The following C8orf34 variants were observed in gnomAD, a reference collection of about 807,000 sequenced individuals.
C8orf34 encodes uncharacterized protein C8orf34.
C8orf34 carries 65 observed loss-of-function variants against 68.3 expected under a neutral mutation model. That is an observed-to-expected ratio of 0.95 (90% CI 0.78 to 1.17). C8orf34 has a LOEUF of 1.17. Ranked by LOEUF, C8orf34 falls within the 50% of genes most tolerant of loss-of-function variation. The probability of loss-of-function intolerance (pLI) is 0.00; values close to 1 mark genes in which losing one functional copy is unlikely to be tolerated. For missense variants in C8orf34, 664 were observed against 655.4 expected, an observed-to-expected ratio of 1.01 and a Z score of -0.14; for synonymous variants, 244 against 241.2, an observed-to-expected ratio of 1.01 and a Z score of -0.11.
At chr8:68,457,250 T>C (rs1020785111) in intron 3 of C8orf34, among the ~76,000 whole-genome samples, 13 of 152,142 alleles carry the variant, frequency 8.5e-5, no homozygotes, top group African/African-American at 3.1e-4. Context: ...GTATAGAAAG[T>C]ATAAACTACA....
intron 5 of C8orf34, among the ~76,000 whole-genome samples, chr8:68,502,592 A>G (rs1197720967): frequency 6.6e-6 from 1 of 152,202 alleles, no homozygotes; most frequent in African/African-American, 2.4e-5. Flanking sequence ...TTATTTTTAA[A>G]AATTAGTAAA....
chr8:68,534,048 G>GA (rs1163360317), intron 7 of C8orf34: 1 of 982,782 alleles, frequency 1.0e-6, no homozygotes, highest in Non-Finnish European at 1.2e-6. Context: ...GCCATTTTCT[G>GA]AAGTTTTTGT....
intron 7 of C8orf34, among the ~76,000 whole-genome samples, chr8:68,570,820 G>A (rs1816740869): frequency 6.6e-6 from 1 of 152,056 alleles, no homozygotes; most frequent in African/African-American, 2.4e-5. Context: ...TGCACATTAA[G>A]GTACGAGAAG....
Position 68,551,755 on chromosome 8 carries a change from A to T in C8orf34, c.1105+18606A>T, listed in dbSNP as rs117579675. 5.9e-5 allele frequency among the ~76,000 whole-genome samples: 9 copies of T among 152,122 alleles called. No individual in the cohort carries two copies. The East Asian group carries it at 1.7e-3, about 29-fold the overall frequency. Reference sequence around the variant, plus strand: ...AGTGAGTCTGTGCTTCTAGACTTTGAACTTCATATGTACTCTCCACTCCCC... The same window carrying T: ...AGTGAGTCTGTGCTTCTAGACTTTGTACTTCATATGTACTCTCCACTCCCC... On this transcript the variant is annotated intron_variant, in intron 7 of 13. Coordinates refer to ENST00000518698, the MANE Select transcript of C8orf34 (RefSeq NM_052958.4).
intron 7 of C8orf34, among the ~76,000 whole-genome samples, chr8:68,606,426 T>C (rs1428634309): frequency 6.6e-6 from 1 of 152,108 alleles, no homozygotes; most frequent in Non-Finnish European, 1.5e-5. Flanking sequence ...AAAATATTTA[T>C]GGATAAAAGT....
rs563901106 is a variant in C8orf34, at chr8:68,751,102, G to A, written c.1405-25297G>A. On this transcript the variant is annotated intron_variant, in intron 10 of 13. Coordinates refer to ENST00000518698, the MANE Select transcript of C8orf34 (RefSeq NM_052958.4). ...AGCATTATTATCAAAGAAGGCAGAAGGACCTGGAGAGGGACTCTATTATTG... is the reference window on the plus strand; with the variant it reads ...AGCATTATTATCAAAGAAGGCAGAAAGACCTGGAGAGGGACTCTATTATTG... Among the ~76,000 whole-genome samples, 160 of 152,228 alleles carry A rather than the reference G, an allele frequency of 1.1e-3. 1 individual carries two copies. The highest frequency in any genetic ancestry group is 3.7e-3 in the African/African-American group (153 of 41,548).
intron 9 of C8orf34, among the ~76,000 whole-genome samples, chr8:68,713,791 A>T (rs899551504): frequency 1.3e-5 from 2 of 152,184 alleles, no homozygotes; most frequent in East Asian, 3.9e-4. Context: ...AAATCATTTT[A>T]TGAAGCCAAT....
At position 68,383,869 on chromosome 8, in the gene C8orf34, A is replaced by G. The variant is rs1393250089; in HGVS notation, c.327+52530A>G. 9.2e-5 allele frequency among the ~76,000 whole-genome samples: 14 copies of G among 152,160 alleles called. No individual in the cohort carries two copies. The East Asian group carries it at 2.1e-3, about 23-fold the overall frequency. On this transcript the variant is annotated intron_variant, in intron 1 of 13. Transcript: ENST00000518698. ...AAATACTCCTTGAGCTAAAGAACCC[A>G]TGTTTGTATCATTAAGCAGTCTAAA...
At chr8:68,710,641 G>A (rs1821305712) in intron 9 of C8orf34, among the ~76,000 whole-genome samples, 1 of 152,102 alleles carries the variant, frequency 6.6e-6, no homozygotes, top group African/African-American at 2.4e-5. Context: ...TATAAGAAGA[G>A]GCTGAGCTCA....
intron 7 of C8orf34, among the ~76,000 whole-genome samples, chr8:68,639,918 C>T (rs191555875): frequency 3.5e-4 from 54 of 152,240 alleles, no homozygotes; most frequent in South Asian, 3.1e-3. Flanking sequence ...GAAGCAGACT[C>T]GTTAGAAACG....
chr8:68,632,177 G>C (rs943749889), intron 7 of C8orf34, among the ~76,000 whole-genome samples: 2 of 152,144 alleles, frequency 1.3e-5, no homozygotes, highest in Admixed American at 1.3e-4. Flanking sequence ...GGCTGAGGTG[G>C]TGTCAGATGG....
rs146649645 is a variant in C8orf34, at chr8:68,619,099, C to G, written c.1106-21277C>G. ...TCCCAGCACTTTGGGAGGCTGAGGC[C>G]TGGGGATCACTTGAGCTCAGGAGTT... On this transcript the variant is annotated intron_variant, in intron 7 of 13. Transcript: ENST00000518698. 1.6e-3 allele frequency among the ~76,000 whole-genome samples: 237 copies of G among 151,940 alleles called. 2 individuals carry two copies. The highest frequency in any genetic ancestry group is 5.0e-3 in the African/African-American group (209 of 41,472).
chr8:68,592,176 A>AT (rs1563549048), intron 7 of C8orf34, among the ~76,000 whole-genome samples: 1 of 151,958 alleles, frequency 6.6e-6, no homozygotes, highest in African/African-American at 2.4e-5. Flanking sequence ...CTCTATTCAC[A>AT]TTTTCTTTCT....
At chr8:68,469,065 G>A (rs1418380973) in intron 4 of C8orf34, among the ~76,000 whole-genome samples, 2 of 151,986 alleles carry the variant, frequency 1.3e-5, no homozygotes, top group African/African-American at 2.4e-5. Context: ...TCCAACACTT[G>A]TACATGGTTT....
At chr8:68,546,352 G>T (rs1379426899) in intron 7 of C8orf34, among the ~76,000 whole-genome samples, 1 of 151,968 alleles carries the variant, frequency 6.6e-6, no homozygotes, top group Non-Finnish European at 1.5e-5. Context: ...GAGGTTCAAA[G>T]TATAAAGTTA....
At chr8:68,362,789 G>A (rs1344913237) in intron 1 of C8orf34, among the ~76,000 whole-genome samples, 6 of 150,026 alleles carry the variant, frequency 4.0e-5, no homozygotes, top group Admixed American at 3.3e-4. Context: ...CCACAAAGAT[G>A]GGGAAAAAAC....
At chr8:68,703,226 C>A (rs1203762486) in intron 8 of C8orf34, among the ~76,000 whole-genome samples, 1 of 152,140 alleles carries the variant, frequency 6.6e-6, no homozygotes, top group Non-Finnish European at 1.5e-5. Flanking sequence ...TACAAACTTT[C>A]ATTGCCTCAT....
chr8:68,614,048 G>A (rs939872897), intron 7 of C8orf34, among the ~76,000 whole-genome samples: 6 of 152,194 alleles, frequency 3.9e-5, no homozygotes, highest in Admixed American at 1.3e-4. Context: ...CAGTGATGGT[G>A]AGCATTTTTT....
At chr8:68,674,924 G>C (rs1820134436) in intron 8 of C8orf34, among the ~76,000 whole-genome samples, 1 of 139,330 alleles carries the variant, frequency 7.2e-6, no homozygotes, top group Non-Finnish European at 1.6e-5. Context: ...GGAACAAATA[G>C]CATGCAATGG....
Sources: gnomAD v4.1 joint callset for allele counts (sites outside exome capture counted in the v4.1 genomes callset) on GRCh38, gnomAD v4.1.1 for gene constraint, MANE v1.5 for transcripts, NCBI Gene and HGNC (gene_info 2026-07-23, HGNC 2026-07-21) for gene names.